Variants in MCTP2 observed in about 807,000 individuals in gnomAD.
MCTP2 encodes the protein multiple C2 and transmembrane domain containing 2, also known as multiple C2 and transmembrane domain-containing protein 2.
MCTP2 carries 132 observed loss-of-function variants against 111.6 expected under a neutral mutation model. That is an observed-to-expected ratio of 1.18 (90% CI 1.03 to 1.37). The LOEUF is 1.37. Ranked by LOEUF, MCTP2 falls within the 40% of genes most tolerant of loss-of-function variation. The pLI is 0.00. For synonymous variants in MCTP2, 395 were observed against 387.7 expected, an observed-to-expected ratio of 1.02 and a Z score of -0.22; for missense variants, 1,183 against 1,067.9, an observed-to-expected ratio of 1.11 and a Z score of -1.50.
At chr15:94,331,719 T>G (rs373435921) in intron 4 of MCTP2, among the ~76,000 whole-genome samples, 1 of 152,240 alleles carries the variant, frequency 6.6e-6, no homozygotes, top group Non-Finnish European at 1.5e-5. Flanking sequence ...GGTAAATTGC[T>G]TGGAGCTATT....
chr15:94,343,483 C>G lies in MCTP2; in HGVS notation c.970-1646C>G, dbSNP rs553834342. On this transcript the variant is annotated intron_variant, in intron 7 of 22. Transcript: ENST00000357742. ...TAGCCTTTGTTGCTTTAGAACCAAG[C>G]TGACAAAAATCTCAGTATGTACAAA... 5 of 152,198 alleles carry G rather than the reference C, an allele frequency of 3.3e-5. No homozygotes were observed. The South Asian group carries it at 1.0e-3, about 32-fold the overall frequency. The allele number at this position is 152,198 out of a possible 1,614,324, so 9.4% of individuals were successfully genotyped here.
chr15:94,249,364 A>G (rs531089081), intron 1 of MCTP2, among the ~76,000 whole-genome samples: 1 of 152,250 alleles, frequency 6.6e-6, no homozygotes, highest in African/African-American at 2.4e-5. Context: ...TATAGGATCT[A>G]TGGTTCTGAT....
chr15:94,435,634 T>TTTTTTTTTTTTTTC (rs1393545528), intron 17 of MCTP2, among the ~76,000 whole-genome samples: 1 of 115,630 alleles, frequency 8.6e-6, no homozygotes, highest in Non-Finnish European at 1.9e-5. Context: ...TTATTCTTTT[T>TTTTTTTTTTTTTTC]TTTTTTTTTT....
At chr15:94,463,237 A>T (rs1671518590) in intron 20 of MCTP2, among the ~76,000 whole-genome samples, 1 of 152,216 alleles carries the variant, frequency 6.6e-6, no homozygotes, top group Non-Finnish European at 1.5e-5. Context: ...TGAGCTTGTT[A>T]TATTCCAGTG....
intron 10 of MCTP2, 23 bp from the exon 11 acceptor site, chr15:94,367,582 C>T: frequency 6.3e-7 from 1 of 1,595,758 alleles, no homozygotes; most frequent in Non-Finnish European, 8.5e-7. Context: ...TTTTCTCTCT[C>T]TTGATTCCTG....
At chr15:94,281,872 G>A (rs999000040) in intron 1 of MCTP2, among the ~76,000 whole-genome samples, 1 of 151,838 alleles carries the variant, frequency 6.6e-6, no homozygotes, top group Non-Finnish European at 1.5e-5. Flanking sequence ...TTCATATACT[G>A]AATATAGGCC....
chr15:94,234,594 C>G (rs974440645), intron 1 of MCTP2, among the ~76,000 whole-genome samples: 6 of 152,078 alleles, frequency 3.9e-5, no homozygotes, highest in Admixed American at 1.3e-4. Flanking sequence ...AGAGAAGAGA[C>G]TGCTGGATGG....
At chr15:94,247,574 C>T (rs535669037) in intron 1 of MCTP2, among the ~76,000 whole-genome samples, 106 of 151,998 alleles carry the variant, frequency 7.0e-4, no homozygotes, top group African/African-American at 2.4e-3. Flanking sequence ...CATTTCATTA[C>T]GAAATGATTG....
Position 94,428,592 on chromosome 15 carries a change from G to A in MCTP2, c.2086-11584G>A, listed in dbSNP as rs533010047. On this transcript the variant is annotated intron_variant, in intron 17 of 22. Transcript: ENST00000357742. ...TTTTCTTTATATATTGCTTTTTCTC[G>A]GTTCTCTGTTTAACCCCTTTCTCCA... Among the ~76,000 whole-genome samples, 97 of 151,764 alleles carry A rather than the reference G, an allele frequency of 6.4e-4. 1 individual carries two copies. Among genetic ancestry groups the A allele is most frequent in the South Asian group, 1.5e-3 (7 of 4,790 alleles).
rs777017363 is a variant in MCTP2, at chr15:94,476,633, T to C, written c.2471-63T>C. The C allele has an allele frequency of 4.4e-5, 37 of 842,864 alleles. No individual in the cohort carries two copies. The South Asian group carries it at 4.8e-4, about 11-fold the overall frequency. 52.2% of individuals were successfully genotyped at this position (842,864 alleles called of 1,614,324 possible). A position where few individuals can be genotyped will look rare whatever the true frequency, so the allele number is the denominator to read the frequency against. ...ATAGATAGATAGATAGATAGATAGA[T>C]AGATAGATAGATAGATAGACAGACA... On this transcript the variant is annotated intron_variant, in intron 21 of 22. Coordinates refer to ENST00000357742, the MANE Select transcript of MCTP2 (RefSeq NM_001385001.1).
intron 19 of MCTP2, among the ~76,000 whole-genome samples, chr15:94,453,210 A>C (rs1205757872): frequency 2.0e-5 from 3 of 152,220 alleles, no homozygotes; most frequent in African/African-American, 4.8e-5. Context: ...CTGGTAGCCC[A>C]TGAGATGCAT....
At chr15:94,383,524 C>T (rs937464108) in intron 12 of MCTP2, among the ~76,000 whole-genome samples, 1 of 152,190 alleles carries the variant, frequency 6.6e-6, no homozygotes, top group African/African-American at 2.4e-5. Flanking sequence ...AATGGACTCA[C>T]AGTTCCACGT....
At chr15:94,268,539 T>C (rs891744756) in intron 1 of MCTP2, among the ~76,000 whole-genome samples, 13 of 152,142 alleles carry the variant, frequency 8.5e-5, no homozygotes, top group African/African-American at 3.1e-4. Context: ...TCCTTCTCGT[T>C]TTCTTGGGAA....
At chr15:94,355,151 G>A (rs1251776729) in intron 8 of MCTP2, among the ~76,000 whole-genome samples, 1 of 152,238 alleles carries the variant, frequency 6.6e-6, no homozygotes, top group Non-Finnish European at 1.5e-5. Flanking sequence ...ATGTGAATAT[G>A]CACTGTGTAT....
intron 20 of MCTP2, among the ~76,000 whole-genome samples, chr15:94,469,693 G>A (rs532131517): frequency 9.9e-5 from 15 of 151,964 alleles, no homozygotes; most frequent in African/African-American, 3.4e-4. Flanking sequence ...ACATAGGGAC[G>A]CCAGAGCTCT....
rs777495848 is a variant in MCTP2 at position 94,479,081 on chromosome 15, G to A, written c.*47G>A. On this transcript the variant is annotated 3_prime_UTR_variant, in exon 23 of 23. Transcript: ENST00000357742. ...GCAGCACCCAATATTGTGTTTGGTT[G>A]AGTAGACCAATGTTATGGCTGTTTC... 2.5e-6 allele frequency: 4 copies of A among 1,572,158 alleles called. No individual in the cohort carries two copies. The highest frequency in any genetic ancestry group is 1.1e-5 in the South Asian group (1 of 90,218).
intron 20 of MCTP2, among the ~76,000 whole-genome samples, chr15:94,465,251 A>G (rs1326618631): frequency 3.3e-5 from 5 of 152,136 alleles, no homozygotes; most frequent in African/African-American, 1.2e-4. Flanking sequence ...TGGTATGGCT[A>G]TACAGTAGTC....
intron 20 of MCTP2, among the ~76,000 whole-genome samples, chr15:94,467,674 C>G (rs189315294): frequency 1.6e-4 from 24 of 152,186 alleles, no homozygotes; most frequent in Admixed American, 1.2e-3. Flanking sequence ...ATATTACTAA[C>G]CAGCCTGGAG....
intron 14 of MCTP2, among the ~76,000 whole-genome samples, chr15:94,391,590 G>A (rs2080979973): frequency 6.6e-6 from 1 of 152,150 alleles, no homozygotes; most frequent in Non-Finnish European, 1.5e-5. Context: ...AGTCCCAAGT[G>A]GGGCGAAAAT....
Sources: gnomAD v4.1 joint callset for allele counts (sites outside exome capture counted in the v4.1 genomes callset) on GRCh38, gnomAD v4.1.1 for gene constraint, MANE v1.5 for transcripts, NCBI Gene and HGNC (gene_info 2026-07-23, HGNC 2026-07-21) for gene names.